The following FRMD4A variants were observed in gnomAD, a reference collection of about 807,000 sequenced individuals.
FRMD4A encodes the protein FERM domain-containing protein 4A.
In FRMD4A, 29 loss-of-function variants were observed where a neutral mutation model predicts 129.1. That is an observed-to-expected ratio of 0.22 (90% confidence interval 0.17 to 0.31). FRMD4A has a LOEUF of 0.31. FRMD4A is among the 10% of genes least tolerant of loss of function. FRMD4A has a pLI of 1.00. For missense variants in FRMD4A, 1,272 were observed against 1,375.8 expected (o/e 0.92, Z 1.19); for synonymous variants, 634 against 571.6 (o/e 1.11, Z -1.56).
At chr10:14,147,192 T>C (rs921538678) in intron 2 of FRMD4A, among the ~76,000 whole-genome samples, 4 of 152,300 alleles carry the variant, frequency 2.6e-5, no homozygotes, top group East Asian at 3.9e-4. Flanking sequence ...GGAAAGCTGA[T>C]GAGTCAGATC....
At chr10:13,897,471 GT>G (rs1275806424) in intron 2 of FRMD4A, among the ~76,000 whole-genome samples, 2 of 152,110 alleles carry the variant, frequency 1.3e-5, no homozygotes, top group Admixed American at 6.6e-5. Context: ...ATGGAGAAGG[GT>G]GATAGCACCC....
chr10:14,248,617 C>A (rs1269118952), intron 2 of FRMD4A, among the ~76,000 whole-genome samples: 3 of 152,102 alleles, frequency 2.0e-5, no homozygotes, highest in Non-Finnish European at 4.4e-5. Context: ...TTTATTCATG[C>A]TATTGGTGTA....
At chr10:13,667,587 C>G (rs572329421) in intron 17 of FRMD4A, 1 of 152,394 alleles carries the variant, frequency 6.6e-6, no homozygotes, top group East Asian at 1.9e-4. Flanking sequence ...TGTATGTACA[C>G]CAGCTGCTGA....
chr10:13,694,137 C>T, intron 14 of FRMD4A, 98 bp from the exon 15 acceptor site: 1 of 948,190 alleles, frequency 1.1e-6, no homozygotes, highest in Non-Finnish European at 1.5e-6. Flanking sequence ...TGACATTCCG[C>T]AAAGGGACTT....
At chr10:13,878,677 C>A (rs982941464) in intron 2 of FRMD4A, among the ~76,000 whole-genome samples, 1 of 151,920 alleles carries the variant, frequency 6.6e-6, no homozygotes, top group Non-Finnish European at 1.5e-5. Flanking sequence ...CACTTGAACC[C>A]GGGAGGCGGA....
chr10:13,878,000 C>A (rs886940665), intron 2 of FRMD4A, among the ~76,000 whole-genome samples: 7 of 152,148 alleles, frequency 4.6e-5, no homozygotes, highest in African/African-American at 1.2e-4. Context: ...CATCAAGCCT[C>A]TTGGTGGAAA....
intron 2 of FRMD4A, among the ~76,000 whole-genome samples, chr10:13,913,792 C>T (rs2131235439): frequency 6.6e-6 from 1 of 152,326 alleles, no homozygotes; most frequent in South Asian, 2.1e-4. Context: ...ACAAAATAGA[C>T]TCCCAAAGTC....
At position 14,178,615 on chromosome 10, in the gene FRMD4A, C is replaced by T. The variant is rs533496802; in HGVS notation, c.45+151443G>A. Among the ~76,000 whole-genome samples the T allele has an allele frequency of 4.6e-5, 7 of 152,120 alleles. No individual in the cohort carries two copies. The South Asian group carries it at 8.3e-4, about 18-fold the overall frequency. The stretch of plus-strand genomic sequence containing the variant: ...TATTTTAACCTGGGCAATAAATGTC[C>T]GTGAAGAATAATTGTCAGATCATTA... On this transcript the variant is annotated intron_variant, in intron 2 of 24. Transcript: ENST00000357447.
chr10:14,117,264 C>A (rs942390181), intron 2 of FRMD4A, among the ~76,000 whole-genome samples: 8 of 152,230 alleles, frequency 5.3e-5, no homozygotes, highest in Non-Finnish European at 1.2e-4. Flanking sequence ...CTGAACAGAG[C>A]CTAGCATGTG....
chr10:13,737,054 G>T (rs2090669375), intron 12 of FRMD4A, among the ~76,000 whole-genome samples: 1 of 150,410 alleles, frequency 6.6e-6, no homozygotes, highest in Non-Finnish European at 1.5e-5. Flanking sequence ...ATATGTGCTG[G>T]ATTTCCAGGA....
intron 13 of FRMD4A, among the ~76,000 whole-genome samples, chr10:13,706,271 G>T (rs2087424853): frequency 6.6e-6 from 1 of 152,168 alleles, no homozygotes; most frequent in Admixed American, 6.5e-5. Context: ...TGGTTTTAGG[G>T]AATTACGCTG....
At chr10:13,919,035 T>A (rs1219805824) in intron 2 of FRMD4A, among the ~76,000 whole-genome samples, 2 of 152,222 alleles carry the variant, frequency 1.3e-5, no homozygotes, top group African/African-American at 4.8e-5. Context: ...ATTTCCAAAG[T>A]GACATCTAGT....
intron 2 of FRMD4A, among the ~76,000 whole-genome samples, chr10:14,038,205 C>T (rs185258473): frequency 7.5e-4 from 115 of 152,320 alleles, no homozygotes; most frequent in Middle Eastern, 3.4e-3. Flanking sequence ...CGCCTGTAGT[C>T]CCAGCTTCTC....
intron 2 of FRMD4A, among the ~76,000 whole-genome samples, chr10:14,201,067 C>T (rs1842622302): frequency 6.6e-6 from 1 of 152,188 alleles, no homozygotes; most frequent in Admixed American, 6.5e-5. Flanking sequence ...CTGCCAGAGC[C>T]CTTTCCTCAG....
intron 2 of FRMD4A, among the ~76,000 whole-genome samples, chr10:13,884,110 A>ACACACACT (rs1564969709): frequency 4.9e-4 from 49 of 99,272 alleles, no homozygotes; most frequent in African/African-American, 1.7e-3. Flanking sequence ...AGAAACACAC[A>ACACACACT]CACACACACA....
chr10:13,978,300 C>T (rs904072150), intron 2 of FRMD4A, among the ~76,000 whole-genome samples: 7 of 152,126 alleles, frequency 4.6e-5, no homozygotes, highest in African/African-American at 1.7e-4. Context: ...GTCCCCCATG[C>T]TTTAGCCCCC....
intron 2 of FRMD4A, among the ~76,000 whole-genome samples, chr10:14,224,039 C>T (rs1843353482): frequency 6.6e-6 from 1 of 152,198 alleles, no homozygotes; most frequent in African/African-American, 2.4e-5. Context: ...AAGGGACATA[C>T]ATTGTCCATT....
chr10:14,307,651 T>C (rs536158728), intron 2 of FRMD4A, among the ~76,000 whole-genome samples: 3 of 152,302 alleles, frequency 2.0e-5, no homozygotes, highest in Admixed American at 6.5e-5. Flanking sequence ...CCTTGTGTGA[T>C]AGGAATAGTC....
At chr10:13,741,124 G>A (rs2090978398) in intron 9 of FRMD4A, among the ~76,000 whole-genome samples, 1 of 152,150 alleles carries the variant, frequency 6.6e-6, no homozygotes, top group Admixed American at 6.5e-5. Context: ...ACCATGGCTG[G>A]CTTATCTTGG....
Sources: gnomAD v4.1 joint callset for allele counts (sites outside exome capture counted in the v4.1 genomes callset) on GRCh38, gnomAD v4.1.1 for gene constraint, MANE v1.5 for transcripts, NCBI Gene and HGNC (gene_info 2026-07-23, HGNC 2026-07-21) for gene names.